The following SLC9A2 variants were observed in gnomAD, a reference collection of about 807,000 sequenced individuals.
The protein encoded by SLC9A2 is solute carrier family 9 member A2, also known as sodium/hydrogen exchanger 2.
SLC9A2 carries 42 observed loss-of-function variants against 71.7 expected under a neutral mutation model. The observed-to-expected ratio is 0.59, with a 90% CI of 0.46 to 0.76. SLC9A2 has a LOEUF of 0.76. Ranked by LOEUF, SLC9A2 falls within the 30% of genes least tolerant of loss-of-function variation. The pLI is 0.00. For missense variants in SLC9A2, 829 were observed against 1,017.4 expected (o/e 0.81, Z 2.52); for synonymous variants, 396 against 392.5 (o/e 1.01, Z -0.10).
Position 102,635,524 on chromosome 2 carries a change from A to G in SLC9A2, c.289+15387A>G, listed in dbSNP as rs114527651. Reference sequence around the variant, plus strand: ...TTTGCTTTCTTCTGAGCTGTCTATCACTCTCTGACATCTGATTATTTATGT... The same window carrying G: ...TTTGCTTTCTTCTGAGCTGTCTATCGCTCTCTGACATCTGATTATTTATGT... On this transcript the variant is annotated intron_variant, in intron 1 of 11. Coordinates refer to ENST00000233969, the MANE Select transcript of SLC9A2 (RefSeq NM_003048.6). 1.8e-3 allele frequency among the ~76,000 whole-genome samples: 269 copies of G among 152,028 alleles called. 1 individual carries two copies. The highest frequency in any genetic ancestry group is 6.2e-3 in the African/African-American group (255 of 41,422).
intron 9 of SLC9A2, among the ~76,000 whole-genome samples, chr2:102,703,776 C>A (rs1677920519): frequency 6.6e-6 from 1 of 152,188 alleles, no homozygotes; most frequent in Non-Finnish European, 1.5e-5. Flanking sequence ...AAACACATTT[C>A]TATATAGCCT....
intron 3 of SLC9A2, among the ~76,000 whole-genome samples, chr2:102,665,946 T>C (rs1677128400): frequency 6.6e-6 from 1 of 152,114 alleles, no homozygotes; most frequent in Non-Finnish European, 1.5e-5. Context: ...GGGTGGATCT[T>C]GCTCAGGCAC....
chr2:102,667,304 G>A (rs1020996012), intron 3 of SLC9A2, among the ~76,000 whole-genome samples: 5 of 152,082 alleles, frequency 3.3e-5, no homozygotes, highest in Admixed American at 6.5e-5. Context: ...TGTGGGGGCG[G>A]GACTTAGTAT....
chr2:102,628,636 G>A (rs1676299490), intron 1 of SLC9A2, among the ~76,000 whole-genome samples: 7 of 152,022 alleles, frequency 4.6e-5, no homozygotes. Context: ...AAACCCCCTT[G>A]TGATATTTTA....
rs541357934 is a variant in SLC9A2, at chr2:102,631,575, T to A, written c.289+11438T>A. On this transcript the variant is annotated intron_variant, in intron 1 of 11. Transcript: ENST00000233969. The stretch of plus-strand genomic sequence containing the variant: ...TTGAACTCAGCTAGATATTAATATC[T>A]TATGTAGTAGTATGAGGAGACACCA... Among the ~76,000 whole-genome samples, 179 of 152,180 alleles carry A rather than the reference T, an allele frequency of 1.2e-3. 3 individuals are homozygous for A. Among genetic ancestry groups the A allele is most frequent in the African/African-American group, 4.2e-3 (173 of 41,518 alleles).
At chr2:102,679,321 C>T (rs959567971) in intron 3 of SLC9A2, among the ~76,000 whole-genome samples, 2 of 152,030 alleles carry the variant, frequency 1.3e-5, no homozygotes, top group African/African-American at 2.4e-5. Context: ...GAAAATGATC[C>T]CATGGACATT....
chr2:102,661,970 A>T (rs1162190278), intron 2 of SLC9A2, among the ~76,000 whole-genome samples: 3 of 152,248 alleles, frequency 2.0e-5, no homozygotes, highest in Admixed American at 6.5e-5. Context: ...GGTTTCGGCC[A>T]GTTGTAACCA....
intron 1 of SLC9A2, among the ~76,000 whole-genome samples, chr2:102,632,557 A>G (rs1573398445): frequency 6.6e-6 from 1 of 151,994 alleles, no homozygotes; most frequent in Non-Finnish European, 1.5e-5. Flanking sequence ...GGGCTTTCTC[A>G]TCTTGATTTG....
rs1558701488 is a variant in SLC9A2 at position 102,632,121 on chromosome 2, C to CACAT, written c.289+11985_289+11986insCATA. ...ATATATACATATATATGTATATATACATATATACATATATATGTATATATA... is the reference window on the plus strand; with the variant it reads ...ATATATACATATATATGTATATATACACATATATATACATATATATGTATATATA... On this transcript the variant is annotated intron_variant, in intron 1 of 11. Coordinates refer to ENST00000233969, the MANE Select transcript of SLC9A2 (RefSeq NM_003048.6). Among the ~76,000 whole-genome samples, 16 of 95,072 alleles carry CACAT rather than the reference C, an allele frequency of 1.7e-4. No homozygotes were observed. The East Asian group carries it at 4.0e-3, about 24-fold the overall frequency. The allele number at this position is 95,072 out of a possible 152,430, so 62.4% of individuals were successfully genotyped here. A position where few individuals can be genotyped will look rare whatever the true frequency, so the allele number is the denominator to read the frequency against.
chr2:102,686,507 G>C (rs1677548295), intron 5 of SLC9A2: 1 of 152,314 alleles, frequency 6.6e-6, no homozygotes, highest in Non-Finnish European at 1.5e-5. Context: ...CCTTTCCTGA[G>C]TTAAGATGAC....
intron 1 of SLC9A2, among the ~76,000 whole-genome samples, chr2:102,653,654 T>G (rs1402490824): frequency 6.6e-6 from 1 of 152,188 alleles, no homozygotes; most frequent in Non-Finnish European, 1.5e-5. Flanking sequence ...GGAATGAGAA[T>G]GTCCTTTTGA....
chr2:102,683,387 C>T lies in SLC9A2; in HGVS notation c.1131C>T (p.Phe377=). Residue 377 remains phenylalanine, a synonymous_variant, in exon 4 of 12, where the codon TTC becomes TTT. Transcript: ENST00000233969. The part of the protein sequence containing the change: ...SSVSETLIFI[F]MGVSTVGKNH... ...TCAGCGAAACCTTGATCTTCATCTTCATGGGTGTGTCTACCGTGGGCAAGA... is the reference window on the plus strand; with the variant it reads ...TCAGCGAAACCTTGATCTTCATCTTTATGGGTGTGTCTACCGTGGGCAAGA... The T allele has an allele frequency of 6.2e-7, 1 of 1,614,192 alleles. No homozygotes were observed. Among genetic ancestry groups the T allele is most frequent in the Non-Finnish European group, 8.5e-7 (1 of 1,180,018 alleles).
At chr2:102,655,210 CTTTT>C (rs58932567) in intron 1 of SLC9A2, among the ~76,000 whole-genome samples, 1 of 138,286 alleles carries the variant, frequency 7.2e-6, no homozygotes, top group African/African-American at 2.7e-5. Flanking sequence ...TACCCTTATT[CTTTT>C]TTTTTTTTTT....
intron 1 of SLC9A2, among the ~76,000 whole-genome samples, chr2:102,636,603 T>C (rs1676472989): frequency 6.6e-6 from 1 of 152,182 alleles, no homozygotes; most frequent in Admixed American, 6.6e-5. Flanking sequence ...GGCTTAATGA[T>C]AGCAGTGTGC....
At chr2:102,693,301 T>C (rs909607911) in intron 5 of SLC9A2, among the ~76,000 whole-genome samples, 9 of 152,330 alleles carry the variant, frequency 5.9e-5, no homozygotes, top group Non-Finnish European at 1.2e-4. Flanking sequence ...TCAGTACTTA[T>C]ACATCTAGCT....
chr2:102,665,065 A>G (rs1456689781), intron 2 of SLC9A2, 35 bp from the exon 3 acceptor site: 4 of 1,585,750 alleles, frequency 2.5e-6, no homozygotes, highest in East Asian at 2.2e-5. Flanking sequence ...GAAATGGGAA[A>G]GGGTCTTGAC....
intron 2 of SLC9A2, among the ~76,000 whole-genome samples, chr2:102,663,956 C>G (rs1677090336): frequency 6.6e-6 from 1 of 152,140 alleles, no homozygotes; most frequent in Admixed American, 6.5e-5. Flanking sequence ...TTCTTGAAGC[C>G]TTCCTTAAAC....
At chr2:102,654,874 A>G (rs1422919995) in intron 1 of SLC9A2, among the ~76,000 whole-genome samples, 1 of 152,232 alleles carries the variant, frequency 6.6e-6, no homozygotes, top group Non-Finnish European at 1.5e-5. Flanking sequence ...TTGTAACACA[A>G]CAACGATTAT....
intron 1 of SLC9A2, among the ~76,000 whole-genome samples, chr2:102,632,709 T>C (rs1676399902): frequency 3.3e-5 from 5 of 152,112 alleles, no homozygotes; most frequent in Admixed American, 3.3e-4. Flanking sequence ...CATGTTATGG[T>C]TTGTGTTGGC....
Sources: gnomAD v4.1 joint callset for allele counts (sites outside exome capture counted in the v4.1 genomes callset) on GRCh38, gnomAD v4.1.1 for gene constraint, MANE v1.5 for transcripts, NCBI Gene and HGNC (gene_info 2026-07-23, HGNC 2026-07-21) for gene names.